ST3GAL6: variants seen among roughly 807,000 people sequenced by gnomAD.
The protein encoded by ST3GAL6 is ST3 beta-galactoside alpha-2,3-sialyltransferase 6.
Under a neutral mutation model 40.5 loss-of-function variants are expected in ST3GAL6, and 31 were observed. The ratio of observed to expected loss-of-function variants is 0.77; its 90% CI spans 0.58 to 1.03. The LOEUF is 1.03. Among genes scored for constraint, ST3GAL6 ranks in the 50% least tolerant of loss-of-function variants. The pLI, the probability that ST3GAL6 is intolerant of heterozygous loss-of-function variation, is 0.00. For missense variants in ST3GAL6, 357 were observed against 393.2 expected (o/e 0.91, Z 0.78); for synonymous variants, 129 against 136.9 (o/e 0.94, Z 0.40).
At chr3:98,736,440 A>C (rs892022574) in intron 1 of ST3GAL6, among the ~76,000 whole-genome samples, 1 of 152,200 alleles carries the variant, frequency 6.6e-6, no homozygotes, top group Non-Finnish European at 1.5e-5. Flanking sequence ...GGCCCCCAGA[A>C]GAGGAGACGG....
At chr3:98,734,937 G>C (rs1172841986) in intron 1 of ST3GAL6, among the ~76,000 whole-genome samples, 2 of 152,118 alleles carry the variant, frequency 1.3e-5, no homozygotes, top group Non-Finnish European at 2.9e-5. Flanking sequence ...TCCCTGATAA[G>C]CATCATCTGC....
At chr3:98,745,556 A>G (rs1320379767) in intron 1 of ST3GAL6, among the ~76,000 whole-genome samples, 1 of 152,154 alleles carries the variant, frequency 6.6e-6, no homozygotes, top group Admixed American at 6.5e-5. Flanking sequence ...TACATTCTTC[A>G]ACTGTCCCTT....
intron 5 of ST3GAL6, chr3:98,782,202 T>C: frequency 1.4e-6 from 1 of 694,236 alleles, no homozygotes; most frequent in Non-Finnish European, 2.6e-6. Context: ...TACTTTCTTA[T>C]TTAGAAACAG....
upstream of ST3GAL6, among the ~76,000 whole-genome samples, chr3:98,760,303 T>G (rs1310729441): frequency 6.6e-6 from 1 of 152,166 alleles, no homozygotes; most frequent in East Asian, 1.9e-4. Context: ...ACTCAGTGGA[T>G]CAAAGGTTGG....
At chr3:98,785,340 TA>T (rs962997207) in intron 6 of ST3GAL6, among the ~76,000 whole-genome samples, 6 of 152,142 alleles carry the variant, frequency 3.9e-5, no homozygotes, top group African/African-American at 1.4e-4. Context: ...ATTAAATATA[TA>T]AAAATAATAA....
chr3:98,752,953 AT>A (rs757461340), intron 1 of ST3GAL6, among the ~76,000 whole-genome samples: 1 of 152,204 alleles, frequency 6.6e-6, no homozygotes, highest in African/African-American at 2.4e-5. Context: ...CAATATTGAA[AT>A]TAGTCCAATT....
chr3:98,767,603 C>A (rs1433855953), intron 1 of ST3GAL6, among the ~76,000 whole-genome samples: 2 of 152,160 alleles, frequency 1.3e-5, no homozygotes, highest in Non-Finnish European at 2.9e-5. Context: ...ATTATGGAAC[C>A]ATATGTTAAA....
chr3:98,737,576 A>G (rs1160077310), intron 1 of ST3GAL6, among the ~76,000 whole-genome samples: 2 of 152,170 alleles, frequency 1.3e-5, no homozygotes, highest in African/African-American at 4.8e-5. Context: ...TCTCATCATC[A>G]CCACTCTATT....
At chr3:98,742,372 C>A (rs1000354275) in intron 1 of ST3GAL6, among the ~76,000 whole-genome samples, 2 of 151,976 alleles carry the variant, frequency 1.3e-5, no homozygotes, top group East Asian at 3.9e-4. Context: ...CATTAGGACC[C>A]AAAACACCCT....
At chr3:98,762,639 A>G (rs910861516), upstream of ST3GAL6, 11 of 356,438 alleles carry the variant, frequency 3.1e-5, no homozygotes, top group Non-Finnish European at 4.3e-5. Flanking sequence ...GTGTTTGATA[A>G]ATGCATAATT....
At chr3:98,737,131 C>T (rs1344103984) in intron 1 of ST3GAL6, among the ~76,000 whole-genome samples, 1 of 152,122 alleles carries the variant, frequency 6.6e-6, no homozygotes, top group Non-Finnish European at 1.5e-5. Context: ...TCACTAAAAC[C>T]TCTGCCTCCT....
chr3:98,735,383 C>T (rs1168937986), intron 1 of ST3GAL6, among the ~76,000 whole-genome samples: 1 of 152,186 alleles, frequency 6.6e-6, no homozygotes, highest in African/African-American at 2.4e-5. Context: ...TAGTTATCCC[C>T]AGGCTGGGCT....
At chr3:98,773,771 T>G (rs948730093) in intron 4 of ST3GAL6, 149 bp from the exon 5 acceptor site, 5 of 549,050 alleles carry the variant, frequency 9.1e-6, no homozygotes, top group Non-Finnish European at 1.3e-5. Flanking sequence ...TGCTGGCTAA[T>G]TGCAGTTGTA....
chr3:98,755,552 T>C (rs1937354378), intron 1 of ST3GAL6, among the ~76,000 whole-genome samples: 1 of 152,192 alleles, frequency 6.6e-6, no homozygotes, highest in African/African-American at 2.4e-5. Flanking sequence ...GCACAAGGGT[T>C]AATGAGATAT....
At chr3:98,782,513 C>T (rs916028566) in intron 5 of ST3GAL6, 2 of 595,220 alleles carry the variant, frequency 3.4e-6, no homozygotes, top group Admixed American at 5.8e-5. Context: ...ACTCTGAACC[C>T]CAGGAGGTCC....
rs753617442 is a variant in ST3GAL6 at position 98,788,242 on chromosome 3, C to T, written c.618+20C>T. 12 of 1,602,522 alleles carry T rather than the reference C, an allele frequency of 7.5e-6. No homozygotes were observed. Among genetic ancestry groups the T allele is most frequent in the Non-Finnish European group, 9.4e-6 (11 of 1,173,412 alleles). ...AAAATAGTAAGTAGGCAAAATTGTT[C>T]TGCCTTCAGATTACCTTTAGTGCTT... On this transcript the variant is annotated intron_variant, in intron 7 of 9. Transcript: ENST00000483910.
chr3:98,769,453 T>C (rs928362479), intron 2 of ST3GAL6, among the ~76,000 whole-genome samples: 2 of 152,216 alleles, frequency 1.3e-5, no homozygotes, highest in African/African-American at 4.8e-5. Flanking sequence ...ATCAAGGGGA[T>C]CTATCCCTAC....
At chr3:98,779,536 A>G (rs1939875903) in intron 5 of ST3GAL6, among the ~76,000 whole-genome samples, 1 of 152,248 alleles carries the variant, frequency 6.6e-6, no homozygotes, top group Non-Finnish European at 1.5e-5. Context: ...AAAACACATC[A>G]TAGATCATTT....
At chr3:98,745,035 T>A (rs567062633) in intron 1 of ST3GAL6, among the ~76,000 whole-genome samples, 1 of 152,000 alleles carries the variant, frequency 6.6e-6, no homozygotes, top group Admixed American at 6.6e-5. Context: ...TAAATTTTAT[T>A]TATTTATTTA....
Sources: gnomAD v4.1 joint callset for allele counts (sites outside exome capture counted in the v4.1 genomes callset) on GRCh38, gnomAD v4.1.1 for gene constraint, MANE v1.5 for transcripts, NCBI Gene and HGNC (gene_info 2026-07-23, HGNC 2026-07-21) for gene names.